Variants in NLN observed in about 807,000 individuals in gnomAD.
NLN encodes the protein neurolysin.
A neutral mutation model predicts 79.9 loss-of-function variants in NLN; 64 were observed. The ratio of observed to expected loss-of-function variants is 0.80; its 90% CI spans 0.65 to 0.99. The LOEUF (loss-of-function observed/expected upper bound fraction) is 0.99. Ranked by LOEUF, NLN falls within the 50% of genes least tolerant of loss-of-function variation. The pLI, the probability that NLN is intolerant of heterozygous loss-of-function variation, is 0.00. For missense variants in NLN, 835 were observed against 858.7 expected, an observed-to-expected ratio of 0.97 and a Z score of 0.34; for synonymous variants, 267 against 296.6, an observed-to-expected ratio of 0.90 and a Z score of 1.02.
At chr5:65,729,422 T>C (rs2561210) in intron 1 of NLN, among the ~76,000 whole-genome samples, 34,152 of 145,398 alleles carry the variant, frequency 0.23, 4,139 homozygotes, top group African/African-American at 0.27. Context: ...TTGCCCGGGC[T>C]GGAGTGCAGT....
intron 3 of NLN, among the ~76,000 whole-genome samples, chr5:65,767,333 T>C (rs1759473437): frequency 2.0e-5 from 3 of 152,148 alleles, no homozygotes; most frequent in South Asian, 4.1e-4. Flanking sequence ...CCCAATACCA[T>C]GTGGAAACCA....
At chr5:65,774,727 A>G (rs1014102176) in intron 3 of NLN, among the ~76,000 whole-genome samples, 3 of 98,492 alleles carry the variant, frequency 3.0e-5, no homozygotes, top group East Asian at 2.4e-4. Context: ...ATATATATAT[A>G]TATTTTTTTT....
chr5:65,738,989 T>TTATA, intron 1 of NLN, among the ~76,000 whole-genome samples: 2 of 2,044 alleles, frequency 9.8e-4, no homozygotes, highest in African/African-American at 1.2e-3. Flanking sequence ...ATTATATATT[T>TTATA]ATATATATTT....
chr5:65,811,223 G>A (rs1760538293), intron 11 of NLN, among the ~76,000 whole-genome samples: 1 of 152,172 alleles, frequency 6.6e-6, no homozygotes, highest in Non-Finnish European at 1.5e-5. Context: ...CACATTTATA[G>A]AGAGAATAAA....
intron 2 of NLN, among the ~76,000 whole-genome samples, chr5:65,760,093 A>T (rs911314449): frequency 5.3e-5 from 8 of 152,182 alleles, no homozygotes; most frequent in African/African-American, 1.9e-4. Context: ...AATTTGAAAG[A>T]TCATCAGAAT....
At position 65,829,219 on chromosome 5, in the gene NLN, A is replaced by G. The variant is rs1461534719; in HGVS notation, c.*6304A>G. 2.0e-5 allele frequency: 3 copies of G among 152,144 alleles called. No individual in the cohort carries two copies. The highest frequency in any genetic ancestry group is 6.6e-5 in the Admixed American group (1 of 15,264). 9.4% of individuals were successfully genotyped at this position (152,144 alleles called of 1,614,324 possible). On this transcript the variant is annotated 3_prime_UTR_variant, in exon 13 of 13. Coordinates refer to ENST00000380985, the MANE Select transcript of NLN (RefSeq NM_020726.5). ...CTTGTTTCTGTCCCCTGTCCTCCACAGTCCTGGATTGTTAATGAATAGTTC... is the reference window on the plus strand; with the variant it reads ...CTTGTTTCTGTCCCCTGTCCTCCACGGTCCTGGATTGTTAATGAATAGTTC...
At chr5:65,812,526 T>G in intron 12 of NLN, 135 bp downstream of exon 12, 1 of 617,628 alleles carries the variant, frequency 1.6e-6, no homozygotes, top group Non-Finnish European at 2.8e-6. Context: ...AGGCCCTGCA[T>G]CTTTCAAATC....
chr5:65,781,213 C>T (rs1196452861), intron 5 of NLN, 48 bp from the exon 6 acceptor site: 1 of 1,322,580 alleles, frequency 7.6e-7, no homozygotes, highest in Non-Finnish European at 1.1e-6. Context: ...ACTAAATAAA[C>T]CAGCAATGAG....
In NLN at chr5:65,823,037, G is replaced by C; in HGVS notation, c.*122G>C. The C allele has an allele frequency of 1.4e-6, 1 of 706,978 alleles. No homozygotes were observed. The highest frequency in any genetic ancestry group is 2.6e-4 in the Middle Eastern group (1 of 3,834). 43.8% of individuals were successfully genotyped at this position (706,978 alleles called of 1,614,324 possible). On this transcript the variant is annotated 3_prime_UTR_variant, in exon 13 of 13. Coordinates refer to ENST00000380985, the MANE Select transcript of NLN (RefSeq NM_020726.5). ...TTTAGATTTCTATTGACATCCTTTT[G>C]TTTTCTAATTTTAAAAATTATAAAG...
chr5:65,762,856 C>CA, intron 2 of NLN, 104 bp from the exon 3 acceptor site: 1 of 1,146,320 alleles, frequency 8.7e-7, no homozygotes. Flanking sequence ...TAAAATAAAA[C>CA]AAACTTTTAT....
At position 65,744,161 on chromosome 5, in the gene NLN, C is replaced by T. The variant is rs190812439; in HGVS notation, c.42-14406C>T. On this transcript the variant is annotated intron_variant, in intron 1 of 12. Transcript: ENST00000380985. The stretch of plus-strand genomic sequence containing the variant: ...GCCTGACCTCCTGGGATCAAGTGAG[C>T]GTCCCAAGTAGCTGGGACTATAGAT... 1.2e-4 allele frequency among the ~76,000 whole-genome samples: 19 copies of T among 152,260 alleles called. No individual in the cohort carries two copies. The East Asian group carries it at 2.5e-3, about 20-fold the overall frequency.
intron 3 of NLN, among the ~76,000 whole-genome samples, chr5:65,772,978 G>T (rs1759602229): frequency 1.3e-5 from 2 of 150,586 alleles, no homozygotes; most frequent in African/African-American, 2.4e-5. Context: ...AAATGAGCAG[G>T]GTCTCACGCT....
chr5:65,737,753 A>G (rs1758758667), intron 1 of NLN, among the ~76,000 whole-genome samples: 1 of 152,188 alleles, frequency 6.6e-6, no homozygotes, highest in Non-Finnish European at 1.5e-5. Context: ...GCCTATGTCT[A>G]CATGTTAGGT....
At chr5:65,724,701 T>C (rs111750349) in intron 1 of NLN, among the ~76,000 whole-genome samples, 2,068 of 152,294 alleles carry the variant, frequency 0.014, 39 homozygotes, top group African/African-American at 0.041. Context: ...TACATTCCCA[T>C]TGGCAGTACC....
intron 3 of NLN, among the ~76,000 whole-genome samples, chr5:65,764,620 A>G (rs769127636): frequency 3.9e-5 from 6 of 152,218 alleles, no homozygotes; most frequent in Non-Finnish European, 8.8e-5. Flanking sequence ...CTGGCACACT[A>G]TAGTGACCTG....
chr5:65,800,783 C>CA (rs1760269896), intron 9 of NLN, among the ~76,000 whole-genome samples: 1 of 151,840 alleles, frequency 6.6e-6, no homozygotes, highest in Non-Finnish European at 1.5e-5. Flanking sequence ...CTCCACCTTC[C>CA]AGGCTCAAGC....
intron 1 of NLN, among the ~76,000 whole-genome samples, chr5:65,729,846 G>A (rs564716908): frequency 2.6e-5 from 4 of 152,304 alleles, no homozygotes; most frequent in Admixed American, 2.6e-4. Context: ...AAACTGATGT[G>A]TATTGAATAC....
chr5:65,794,733 C>T (rs1237198169), intron 9 of NLN, among the ~76,000 whole-genome samples: 9 of 152,090 alleles, frequency 5.9e-5, no homozygotes, highest in Admixed American at 5.9e-4. Flanking sequence ...GGATATGGAA[C>T]AGTCTTTTTG....
chr5:65,798,440 A>G (rs1760214480), intron 9 of NLN, among the ~76,000 whole-genome samples: 1 of 152,212 alleles, frequency 6.6e-6, no homozygotes, highest in South Asian at 2.1e-4. Flanking sequence ...AGTTTATTAA[A>G]TGACACTCTA....
Sources: allele counts gnomAD v4.1 joint callset (sites outside exome capture counted in the v4.1 genomes callset), GRCh38; gene constraint gnomAD v4.1.1; transcripts MANE v1.5; gene names NCBI Gene and HGNC (gene_info 2026-07-23, HGNC 2026-07-21).